The following AHCYL2 variants were observed in gnomAD, a reference collection of about 807,000 sequenced individuals.
AHCYL2 encodes the protein adenosylhomocysteinase like 2.
In AHCYL2, 28 loss-of-function variants were observed where a neutral mutation model predicts 81.4. The observed-to-expected ratio is 0.34, with a 90% confidence interval of 0.25 to 0.47. The LOEUF (loss-of-function observed/expected upper bound fraction) is 0.47. Among genes scored for constraint, AHCYL2 ranks in the 20% least tolerant of loss-of-function variants. The pLI, the probability that AHCYL2 is intolerant of heterozygous loss-of-function variation, is 1.00. For missense variants in AHCYL2, 551 were observed against 785.1 expected, an observed-to-expected ratio of 0.70 and a Z score of 3.56; for synonymous variants, 272 against 290.2, an observed-to-expected ratio of 0.94 and a Z score of 0.64.
chr7:129,268,841 T>C (rs888603325), intron 1 of AHCYL2, among the ~76,000 whole-genome samples: 7 of 152,240 alleles, frequency 4.6e-5, no homozygotes, highest in Non-Finnish European at 1.0e-4. Context: ...AATTTCATAC[T>C]GCGAAGTTCA....
At chr7:129,421,591 A>G (rs189186052) in intron 12 of AHCYL2, among the ~76,000 whole-genome samples, 9 of 152,356 alleles carry the variant, frequency 5.9e-5, no homozygotes, top group South Asian at 4.1e-4. Context: ...GGTTGAACCA[A>G]TTTATGAAAC....
intron 1 of AHCYL2, among the ~76,000 whole-genome samples, chr7:129,299,796 C>T (rs1476602267): frequency 6.6e-6 from 1 of 152,114 alleles, no homozygotes; most frequent in Non-Finnish European, 1.5e-5. Context: ...AAGTACAGAA[C>T]TTTGTATATG....
chr7:129,251,317 A>AT (rs3042851), intron 1 of AHCYL2, among the ~76,000 whole-genome samples: 1,276 of 119,440 alleles, frequency 0.011, 25 homozygotes, highest in African/African-American at 0.039. Flanking sequence ...GATAGTAAAG[A>AT]TTTTTTTTTT....
At chr7:129,317,255 T>C (rs1797855675) in intron 1 of AHCYL2, among the ~76,000 whole-genome samples, 1 of 152,166 alleles carries the variant, frequency 6.6e-6, no homozygotes, top group Non-Finnish European at 1.5e-5. Flanking sequence ...AAAGATAATG[T>C]TGGGTATGAA....
intron 1 of AHCYL2, among the ~76,000 whole-genome samples, chr7:129,240,509 G>A (rs547508298): frequency 1.0e-3 from 155 of 152,174 alleles, no homozygotes; most frequent in African/African-American, 3.4e-3. Flanking sequence ...AAAAACAGAC[G>A]GGCTGCCATT....
At chr7:129,350,438 C>T (rs1168965564) in intron 1 of AHCYL2, among the ~76,000 whole-genome samples, 1 of 149,664 alleles carries the variant, frequency 6.7e-6, no homozygotes, top group Admixed American at 6.7e-5. Flanking sequence ...GGCTGGAGTG[C>T]AATGGCGTGG....
intron 1 of AHCYL2, among the ~76,000 whole-genome samples, chr7:129,338,473 AGATAT>A (rs1486999039): frequency 2.0e-5 from 3 of 152,182 alleles, no homozygotes; most frequent in Admixed American, 2.0e-4. Context: ...AAATTTTGAT[AGATAT>A]TACTAAATGG....
At chr7:129,235,468 G>T (rs1584687812) in intron 1 of AHCYL2, among the ~76,000 whole-genome samples, 1 of 152,052 alleles carries the variant, frequency 6.6e-6, no homozygotes, top group African/African-American at 2.4e-5. Flanking sequence ...TGTCACCCAG[G>T]CTGGAGTGCA....
intron 1 of AHCYL2, 28 bp from the exon 2 acceptor site, chr7:129,379,610 T>C (rs1209754611): frequency 3.8e-6 from 6 of 1,578,262 alleles, no homozygotes; most frequent in Middle Eastern, 1.7e-4. Context: ...GTTCTTTTTC[T>C]TTATATAACT....
At chr7:129,278,441 A>G (rs182894412) in intron 1 of AHCYL2, among the ~76,000 whole-genome samples, 1 of 152,128 alleles carries the variant, frequency 6.6e-6, no homozygotes, top group East Asian at 1.9e-4. Context: ...AGAGTTATTT[A>G]TATATTCTAG....
intron 1 of AHCYL2, among the ~76,000 whole-genome samples, chr7:129,261,691 T>C (rs1258759140): frequency 6.6e-6 from 1 of 152,222 alleles, no homozygotes. Context: ...AATAATCTAG[T>C]CTCTTTTTTT....
At chr7:129,390,312 A>G (rs1054273613) in intron 4 of AHCYL2, among the ~76,000 whole-genome samples, 1 of 152,346 alleles carries the variant, frequency 6.6e-6, no homozygotes, top group African/African-American at 2.4e-5. Context: ...ATACAGAAGG[A>G]TGTGCACAGA....
intron 1 of AHCYL2, among the ~76,000 whole-genome samples, chr7:129,255,981 A>AG (rs1211204895): frequency 6.6e-6 from 1 of 152,086 alleles, no homozygotes; most frequent in Non-Finnish European, 1.5e-5. Context: ...AAAAAAAAAA[A>AG]GAAAGTGAGA....
intron 7 of AHCYL2, among the ~76,000 whole-genome samples, chr7:129,403,754 G>A (rs888973027): frequency 4.6e-5 from 7 of 151,046 alleles, no homozygotes; most frequent in Non-Finnish European, 7.4e-5. Context: ...CCAGCTACTC[G>A]GGAGGCTGAG....
Position 129,242,252 on chromosome 7 carries a change from C to G in AHCYL2, c.363+16813C>G, listed in dbSNP as rs557005259. On this transcript the variant is annotated intron_variant, in intron 1 of 16. Coordinates refer to ENST00000325006, the MANE Select transcript of AHCYL2 (RefSeq NM_015328.4). Reference sequence around the variant, plus strand: ...TGTTGCCCAGTCTGGTCTCAAACTCCTCCTGGACTCAAGCGATCCCTCCTG... The same window carrying G: ...TGTTGCCCAGTCTGGTCTCAAACTCGTCCTGGACTCAAGCGATCCCTCCTG... Among the ~76,000 whole-genome samples the G allele has an allele frequency of 7.2e-5, 11 of 152,074 alleles. No individual in the cohort carries two copies. In the South Asian group the frequency reaches 2.3e-3, roughly 32 times the overall value.
intron 1 of AHCYL2, among the ~76,000 whole-genome samples, chr7:129,231,702 A>G (rs1253489667): frequency 1.3e-5 from 2 of 152,190 alleles, no homozygotes; most frequent in Non-Finnish European, 1.5e-5. Context: ...TGGAATTTGT[A>G]GGAGCTTTTT....
chr7:129,309,014 C>A (rs1027113004), intron 1 of AHCYL2, among the ~76,000 whole-genome samples: 4 of 150,250 alleles, frequency 2.7e-5, no homozygotes, highest in Admixed American at 2.7e-4. Flanking sequence ...GGCAGATCAC[C>A]TGAAGTCAGG....
At chr7:129,318,947 G>A (rs990676914) in intron 1 of AHCYL2, among the ~76,000 whole-genome samples, 1 of 151,886 alleles carries the variant, frequency 6.6e-6, no homozygotes, top group African/African-American at 2.4e-5. Context: ...GGGGGTAGGG[G>A]ATGGTGGCAT....
intron 1 of AHCYL2, among the ~76,000 whole-genome samples, chr7:129,226,166 G>A (rs962788300): frequency 6.6e-6 from 1 of 152,220 alleles, no homozygotes; most frequent in Non-Finnish European, 1.5e-5. Context: ...TAATCTGAAA[G>A]TGATAGGAAG....
Sources: gnomAD v4.1 joint callset for allele counts (sites outside exome capture counted in the v4.1 genomes callset) on GRCh38, gnomAD v4.1.1 for gene constraint, MANE v1.5 for transcripts, NCBI Gene and HGNC (gene_info 2026-07-23, HGNC 2026-07-21) for gene names.